MTUS1: variants seen among roughly 807,000 people sequenced by gnomAD.
MTUS1 encodes microtubule associated scaffold protein 1.
MTUS1 carries 109 observed loss-of-function variants against 120.8 expected under a neutral mutation model. The ratio of observed to expected loss-of-function variants is 0.90; its 90% CI spans 0.77 to 1.06. The LOEUF is 1.06. Ranked by LOEUF, MTUS1 falls within the 50% of genes least tolerant of loss-of-function variation. The pLI is 0.00. For synonymous variants in MTUS1, 737 were observed against 550.5 expected, an observed-to-expected ratio of 1.34 and a Z score of -4.74; for missense variants, 2,210 against 1,486.3, an observed-to-expected ratio of 1.49 and a Z score of -8.01.
intron 1 of MTUS1, among the ~76,000 whole-genome samples, chr8:17,784,886 G>T (rs1487117432): frequency 6.6e-6 from 1 of 151,892 alleles, no homozygotes; most frequent in South Asian, 2.1e-4. Flanking sequence ...CCGGCTTCAA[G>T]TGATTCTCGG....
chr8:17,768,030 G>T (rs2049701147), intron 1 of MTUS1, among the ~76,000 whole-genome samples: 1 of 152,322 alleles, frequency 6.6e-6, no homozygotes, highest in East Asian at 1.9e-4. Context: ...TCTGCCCTGA[G>T]CAGCAGAGAG....
Position 17,777,452 on chromosome 8 carries a change from G to GA in MTUS1, c.-154-21492dup, listed in dbSNP as rs796475013. On this transcript the variant is annotated intron_variant, in intron 1 of 14. Coordinates refer to ENST00000693296, the MANE Select transcript of MTUS1 (RefSeq NM_001363059.2). Reference sequence around the variant, plus strand: ...AGACACTGTCTCAAAAAAAGAAAAAGAAAAAAAAAAAAAAAGATGTCAGGC... The same window carrying GA: ...AGACACTGTCTCAAAAAAAGAAAAAGAAAAAAAAAAAAAAAAGATGTCAGGC... Among the ~76,000 whole-genome samples, 816 of 107,132 alleles carry GA rather than the reference G, an allele frequency of 7.6e-3. 2 individuals are homozygous for GA. The highest frequency in any genetic ancestry group is 0.016 in the African/African-American group (552 of 33,726). The allele number at this position is 107,132 out of a possible 152,430, so 70.3% of individuals were successfully genotyped here.
chr8:17,740,829 A>T lies in MTUS1; in HGVS notation c.2287+2775T>A, dbSNP rs181492613. Reference sequence around the variant, plus strand: ...CTGGCATCCAGATGGCCACATTCTCATTCTACCTCACATACTGAGGACAGT... The same window carrying T: ...CTGGCATCCAGATGGCCACATTCTCTTTCTACCTCACATACTGAGGACAGT... On this transcript the variant is annotated intron_variant, in intron 3 of 14. Coordinates refer to ENST00000693296, the MANE Select transcript of MTUS1 (RefSeq NM_001363059.2). Among the ~76,000 whole-genome samples, 11 of 152,240 alleles carry T rather than the reference A, an allele frequency of 7.2e-5. No homozygotes were observed. In the East Asian group the frequency reaches 1.2e-3, roughly 16 times the overall value.
chr8:17,743,948 T>A lies in MTUS1; in HGVS notation c.2092-149A>T, dbSNP rs142469550. On this transcript the variant is annotated intron_variant, in intron 2 of 14. Coordinates refer to ENST00000693296, the MANE Select transcript of MTUS1 (RefSeq NM_001363059.2). ...TGATGGCAAAGAGGTCAGACATGCC[T>A]CATTATACTCTCCTCCCTTTAGAAT... is the stretch of plus-strand genomic sequence containing the variant. 4.8e-4 allele frequency: 298 copies of A among 615,210 alleles called. 4 individuals are homozygous for A. In the East Asian group the frequency reaches 8.1e-3, roughly 17 times the overall value. 38.1% of individuals were successfully genotyped at this position (615,210 alleles called of 1,614,324 possible). A position where few individuals can be genotyped will look rare whatever the true frequency, so the allele number is the denominator to read the frequency against.
At chr8:17,722,399 AAAT>A in intron 4 of MTUS1, 1 of 984,860 alleles carries the variant, frequency 1.0e-6, no homozygotes, top group Non-Finnish European at 1.2e-6. Flanking sequence ...AGAGAGCTTA[AAAT>A]AATACACGTG....
chr8:17,782,457 A>C (rs2050944710), intron 1 of MTUS1, among the ~76,000 whole-genome samples: 1 of 152,208 alleles, frequency 6.6e-6, no homozygotes. Flanking sequence ...TAATAACTTG[A>C]ATTTTAAGAA....
chr8:17,728,882 AAGAT>A (rs1027036981), intron 3 of MTUS1, among the ~76,000 whole-genome samples: 1 of 152,164 alleles, frequency 6.6e-6, no homozygotes, highest in Admixed American at 6.5e-5. Context: ...ATCAGGGAAA[AAGAT>A]AGGAAGCTAG....
intron 4 of MTUS1, among the ~76,000 whole-genome samples, chr8:17,723,059 G>A (rs2045952399): frequency 6.6e-6 from 1 of 152,126 alleles, no homozygotes; most frequent in Admixed American, 6.6e-5. Context: ...TGGTGTCTGT[G>A]CACAGCGGGC....
chr8:17,785,244 A>C (rs956134588), intron 1 of MTUS1, among the ~76,000 whole-genome samples: 1 of 152,222 alleles, frequency 6.6e-6, no homozygotes, highest in Non-Finnish European at 1.5e-5. Flanking sequence ...AAAAATGTAC[A>C]AGTAAATAAT....
chr8:17,723,175 T>G (rs984139369), intron 4 of MTUS1: 4 of 164,902 alleles, frequency 2.4e-5, no homozygotes, highest in Admixed American at 1.2e-4. Context: ...GAAAGAGGTA[T>G]CTCAGTAAAT....
At chr8:17,722,124 C>G in intron 4 of MTUS1, 3 of 1,261,942 alleles carry the variant, frequency 2.4e-6, no homozygotes, top group Non-Finnish European at 3.0e-6. Flanking sequence ...CGCCACTAGA[C>G]AGGCTCTGTG....
In MTUS1 at chr8:17,755,189, T is replaced by C. The variant is rs61733698; in HGVS notation, c.619A>G (p.Thr207Ala). 44,494 of 1,614,158 alleles carry C rather than the reference T, an allele frequency of 0.028. 840 individuals carry two copies. Among genetic ancestry groups the C allele is most frequent in the South Asian group, 0.064 (5,839 of 91,084 alleles). The change falls in exon 2 of 15, where the codon ACT becomes GCT. Residue 207 changes from threonine (T) to alanine (A), a missense_variant. Coordinates refer to ENST00000693296, the MANE Select transcript of MTUS1 (RefSeq NM_001363059.2). ...SGSTSSLSYS[T>A]WTSSHSDKTH... ...TTATCAGAATGGGAAGATGTCCAAGTGGAATAGGATAAAGAAGATGTACTT... is the reference window on the plus strand; with the variant it reads ...TTATCAGAATGGGAAGATGTCCAAGCGGAATAGGATAAAGAAGATGTACTT...
chr8:17,743,616 C>T lies in MTUS1; in HGVS notation c.2275G>A (p.Val759Met). The T allele has an allele frequency of 1.2e-6, 2 of 1,613,818 alleles. No homozygotes were observed. The highest frequency in any genetic ancestry group is 1.7e-6 in the Non-Finnish European group (2 of 1,179,856). Residue 759 changes from valine (V) to methionine (M), a missense_variant, in exon 3 of 15, where the codon GTG becomes ATG. Physicochemically the swap from Val to Met is conservative, Grantham distance 21. Coordinates refer to ENST00000693296, the MANE Select transcript of MTUS1 (RefSeq NM_001363059.2). ...RAVSPQRIRR[V>M]SSSGKPTSLK... is the part of the protein sequence containing the mutation. The stretch of plus-strand genomic sequence containing the variant: ...ATTTTATTCTTACCAGAACTGGACA[C>T]ACGCCTGATCCTCTGAGGAGATACG...
Position 17,649,958 on chromosome 8 carries a change from T to C in MTUS1, c.3389A>G (p.Asn1130Ser). 2 of 1,570,016 alleles carry C rather than the reference T, an allele frequency of 1.3e-6. No homozygotes were observed. The highest frequency in any genetic ancestry group is 1.8e-6 in the Non-Finnish European group (2 of 1,140,220). Residue 1130 changes from asparagine to serine, a missense_variant, in exon 13 of 15, where the codon AAT becomes AGT. Coordinates refer to ENST00000693296, the MANE Select transcript of MTUS1 (RefSeq NM_001363059.2). Reference sequence around the variant, plus strand: ...CTGTTCTAGATACATGATCTGAGGATTTTTCTGGAAAGGACACAGCAAGAT... The same window carrying C: ...CTGTTCTAGATACATGATCTGAGGACTTTTCTGGAAAGGACACAGCAAGAT... ...RRAREKANLK[N>S]PQIMYLEQEL... is the part of the protein sequence containing the mutation.
chr8:17,768,962 T>C (rs2049792444), intron 1 of MTUS1, among the ~76,000 whole-genome samples: 1 of 152,156 alleles, frequency 6.6e-6, no homozygotes, highest in South Asian at 2.1e-4. Context: ...ACAATTTAAA[T>C]GGGCATTGGA....
chr8:17,747,886 A>T (rs1358123061), intron 2 of MTUS1, among the ~76,000 whole-genome samples: 1 of 152,198 alleles, frequency 6.6e-6, no homozygotes, highest in African/African-American at 2.4e-5. Flanking sequence ...GACATGTCTT[A>T]CATGGATGGC....
At chr8:17,739,428 G>C (rs1043698288) in intron 3 of MTUS1, among the ~76,000 whole-genome samples, 1 of 145,586 alleles carries the variant, frequency 6.9e-6, no homozygotes, top group East Asian at 2.0e-4. Context: ...GGGAAGGGGA[G>C]GTTGTGGTGA....
At position 17,666,090 on chromosome 8, in the gene MTUS1, C is replaced by CT. The variant is rs57062684; in HGVS notation, c.2905+9095dup. Among the ~76,000 whole-genome samples, 910 of 111,022 alleles carry CT rather than the reference C, an allele frequency of 8.2e-3. 16 individuals are homozygous for CT. The highest frequency in any genetic ancestry group is 0.028 in the African/African-American group (807 of 28,874). 72.8% of individuals were successfully genotyped at this position (111,022 alleles called of 152,430 possible). On this transcript the variant is annotated intron_variant, in intron 8 of 14. Coordinates refer to ENST00000693296, the MANE Select transcript of MTUS1 (RefSeq NM_001363059.2). ...TGGCCAGCATGCTGCAGAACAGATGCTTTTTTTTTTTTTTTTTTTTTTTTA... is the reference window on the plus strand; with the variant it reads ...TGGCCAGCATGCTGCAGAACAGATGCTTTTTTTTTTTTTTTTTTTTTTTTTA...
intron 6 of MTUS1, among the ~76,000 whole-genome samples, chr8:17,709,814 T>C (rs1820913126): frequency 6.6e-6 from 1 of 152,130 alleles, no homozygotes; most frequent in African/African-American, 2.4e-5. Context: ...GGAGACCATC[T>C]GGCTAACACG....
Sources: gnomAD v4.1 joint callset for allele counts (sites outside exome capture counted in the v4.1 genomes callset) on GRCh38, gnomAD v4.1.1 for gene constraint, MANE v1.5 for transcripts, NCBI Gene and HGNC (gene_info 2026-07-23, HGNC 2026-07-21) for gene names.